Variants in DPY19L3 observed in about 807,000 individuals in gnomAD.
DPY19L3 encodes the protein protein C-mannosyl-transferase DPY19L3.
DPY19L3 carries 51 observed loss-of-function variants against 92.3 expected under a neutral mutation model. The ratio of observed to expected loss-of-function variants is 0.55; its 90% CI spans 0.44 to 0.70. DPY19L3 has a LOEUF of 0.70. DPY19L3 is among the 30% of genes least tolerant of loss of function. The pLI is 0.00. For synonymous variants in DPY19L3, 309 were observed against 315.2 expected (o/e 0.98, Z 0.21); for missense variants, 706 against 855.9 (o/e 0.82, Z 2.18).
chr19:32,435,911 A>G (rs1202263370), intron 4 of DPY19L3, among the ~76,000 whole-genome samples: 3 of 152,204 alleles, frequency 2.0e-5, no homozygotes, highest in African/African-American at 7.2e-5. Context: ...TCTGCCCCCA[A>G]CATCTGCGCA....
intron 12 of DPY19L3, among the ~76,000 whole-genome samples, chr19:32,460,697 G>C (rs1396907517): frequency 6.6e-6 from 1 of 152,202 alleles, no homozygotes; most frequent in Non-Finnish European, 1.5e-5. Context: ...CGAATCCACT[G>C]TGGTATGTGC....
At chr19:32,423,905 C>T (rs1429879762) in intron 3 of DPY19L3, among the ~76,000 whole-genome samples, 3 of 151,464 alleles carry the variant, frequency 2.0e-5, no homozygotes, top group Non-Finnish European at 2.9e-5. Context: ...CCCACCTACT[C>T]GGGAGACTGA....
chr19:32,415,519 T>C (rs1475887940), intron 3 of DPY19L3, among the ~76,000 whole-genome samples: 1 of 152,164 alleles, frequency 6.6e-6, no homozygotes, highest in African/African-American at 2.4e-5. Flanking sequence ...GTCTTCTCTG[T>C]CTCAAAGATA....
chr19:32,439,318 C>T, intron 7 of DPY19L3, 83 bp downstream of exon 7: 1 of 1,417,584 alleles, frequency 7.1e-7, no homozygotes, highest in South Asian at 1.3e-5. Context: ...CTTAGTATCC[C>T]AATGCATGTG....
intron 10 of DPY19L3, among the ~76,000 whole-genome samples, chr19:32,455,758 G>A (rs1367442447): frequency 6.6e-6 from 1 of 152,194 alleles, no homozygotes; most frequent in Non-Finnish European, 1.5e-5. Flanking sequence ...GCTTTGCTAA[G>A]ATTTTTACAA....
chr19:32,462,734 A>T (rs940500904), intron 12 of DPY19L3, among the ~76,000 whole-genome samples: 1 of 152,246 alleles, frequency 6.6e-6, no homozygotes, highest in African/African-American at 2.4e-5. Flanking sequence ...GAAATGCAAC[A>T]TGCAGTTCTT....
chr19:32,482,446 C>T lies in DPY19L3; in HGVS notation c.*206C>T, dbSNP rs765715515. On this transcript the variant is annotated 3_prime_UTR_variant, in exon 19 of 19. Transcript: ENST00000392250. ...TTTTTCGTTGTGTGTCTATCTTTCT[C>T]ATTAATGTTCTTTAGCCTAAATGTT... is the stretch of plus-strand genomic sequence containing the variant. 4.4e-5 allele frequency: 25 copies of T among 562,512 alleles called. No homozygotes were observed. The highest frequency in any genetic ancestry group is 7.3e-5 in the Non-Finnish European group (24 of 326,540). 34.8% of individuals were successfully genotyped at this position (562,512 alleles called of 1,614,324 possible).
chr19:32,407,546 A>G (rs1968015483), intron 1 of DPY19L3, among the ~76,000 whole-genome samples: 1 of 152,108 alleles, frequency 6.6e-6, no homozygotes, highest in Non-Finnish European at 1.5e-5. Context: ...ATAATATACA[A>G]CTGTGTAGTT....
chr19:32,433,206 G>C (rs985421834), intron 4 of DPY19L3, among the ~76,000 whole-genome samples: 10 of 152,050 alleles, frequency 6.6e-5, no homozygotes, highest in Admixed American at 6.6e-4. Context: ...TTATTTCACA[G>C]TTGCCATTTT....
At chr19:32,479,153 A>G (rs1349360787) in intron 17 of DPY19L3, among the ~76,000 whole-genome samples, 1 of 152,186 alleles carries the variant, frequency 6.6e-6, no homozygotes, top group Non-Finnish European at 1.5e-5. Flanking sequence ...CTAAAAGCAG[A>G]TGATTTTTAC....
Position 32,477,524 on chromosome 19 carries a change from C to G in DPY19L3, c.1700C>G (p.Ser567Cys), listed in dbSNP as rs2145636347. 2 of 1,614,132 alleles carry G rather than the reference C, an allele frequency of 1.2e-6. No individual in the cohort carries two copies. Among genetic ancestry groups the G allele is most frequent in the Non-Finnish European group, 1.7e-6 (2 of 1,180,018 alleles). Reference sequence around the variant, plus strand: ...ATTCAGACTCTAAAATCTTTCAGCTCTAACACTCCAAGAAAGGCTGTGTTT... The same window carrying G: ...ATTCAGACTCTAAAATCTTTCAGCTGTAACACTCCAAGAAAGGCTGTGTTT... Reference protein sequence around the residue: ...DTVELMNWINSNTPRKAVFAG... With the variant: ...DTVELMNWINCNTPRKAVFAG... Residue 567 changes from serine (S) to cysteine (C), a missense_variant and splice_region_variant, in exon 17 of 19, where the codon TCT (serine) becomes TGT (cysteine). Coordinates refer to ENST00000392250, the MANE Select transcript of DPY19L3 (RefSeq NM_001172774.2).
At chr19:32,445,226 G>A (rs1329073057) in intron 8 of DPY19L3, among the ~76,000 whole-genome samples, 1 of 151,670 alleles carries the variant, frequency 6.6e-6, no homozygotes, top group Non-Finnish European at 1.5e-5. Flanking sequence ...CGGATCATGG[G>A]GTCAGGAGAT....
intron 8 of DPY19L3, among the ~76,000 whole-genome samples, chr19:32,448,950 CTTG>C (rs1214903377): frequency 2.0e-5 from 3 of 152,152 alleles, no homozygotes; most frequent in African/African-American, 7.2e-5. Context: ...ACTATACAAT[CTTG>C]TTGTTACACA....
rs866346757 is a variant in DPY19L3, at chr19:32,484,906, G to C, written c.*2666G>C. ...TTGCTTTTAAATTAGGTGTGGCTGG[G>C]AATATTATAAGATATTGGGGAAAAT... On this transcript the variant is annotated 3_prime_UTR_variant, in exon 19 of 19. Coordinates refer to ENST00000392250, the MANE Select transcript of DPY19L3 (RefSeq NM_001172774.2). 6.6e-6 allele frequency: 1 copy of C among 152,196 alleles called. No individual in the cohort carries two copies. The highest frequency in any genetic ancestry group is 1.5e-5 in the Non-Finnish European group (1 of 68,032). 9.4% of individuals were successfully genotyped at this position (152,196 alleles called of 1,614,324 possible).
intron 4 of DPY19L3, among the ~76,000 whole-genome samples, chr19:32,435,310 T>A (rs764082535): frequency 6.6e-6 from 1 of 152,246 alleles, no homozygotes; most frequent in Non-Finnish European, 1.5e-5. Flanking sequence ...GGCTTCGGGC[T>A]TCAGCATACA....
At chr19:32,447,154 A>G (rs1052676088) in intron 8 of DPY19L3, among the ~76,000 whole-genome samples, 4 of 152,212 alleles carry the variant, frequency 2.6e-5, no homozygotes, top group African/African-American at 9.6e-5. Flanking sequence ...ATATACACTA[A>G]AAAAGAGTCT....
At chr19:32,426,483 TATC>T (rs1968769089) in intron 3 of DPY19L3, among the ~76,000 whole-genome samples, 1 of 152,206 alleles carries the variant, frequency 6.6e-6, no homozygotes, top group Non-Finnish European at 1.5e-5. Context: ...CTCACTAACT[TATC>T]ATCTCTAGCT....
Position 32,432,764 on chromosome 19 carries a change from T to A in DPY19L3, c.286T>A (p.Ser96Thr), listed in dbSNP as rs1969011313. The stretch of plus-strand genomic sequence containing the variant: ...CAGAACAGAGTGTGGCCTGTATTAC[T>A]CCTACTACAAGCAGATGCTGCAGGC... ...SFRTECGLYY[S>T]YYKQMLQAPT... Residue 96 changes from serine to threonine, a missense_variant, in exon 4 of 19, where the codon TCC becomes ACC. By Grantham distance (58) the Ser-to-Thr change is moderately conservative. Coordinates refer to ENST00000392250, the MANE Select transcript of DPY19L3 (RefSeq NM_001172774.2). 1 of 1,613,830 alleles carries A rather than the reference T, an allele frequency of 6.2e-7. No homozygotes were observed. The highest frequency in any genetic ancestry group is 1.7e-5 in the Admixed American group (1 of 59,982).
At chr19:32,466,885 TACCCTGAA>T (rs1970218076) in intron 15 of DPY19L3, among the ~76,000 whole-genome samples, 1 of 152,230 alleles carries the variant, frequency 6.6e-6, no homozygotes, top group Non-Finnish European at 1.5e-5. Context: ...TATGAGGGGT[TACCCTGAA>T]ACTGAATCTG....
Sources: gnomAD v4.1 joint callset for allele counts (sites outside exome capture counted in the v4.1 genomes callset) on GRCh38, gnomAD v4.1.1 for gene constraint, MANE v1.5 for transcripts, NCBI Gene and HGNC (gene_info 2026-07-23, HGNC 2026-07-21) for gene names.